The following RAX variants were observed in gnomAD, a reference collection of about 807,000 sequenced individuals.
RAX encodes the protein retinal homeobox protein Rx.
Under a neutral mutation model 17.4 loss-of-function variants are expected in RAX, and 11 were observed. The ratio of observed to expected loss-of-function variants is 0.63; its 90% CI spans 0.40 to 1.05. The LOEUF (loss-of-function observed/expected upper bound fraction) is 1.05. Among genes scored for constraint, RAX ranks in the 50% least tolerant of loss-of-function variants. RAX has a pLI of 0.00. For missense variants in RAX, 527 were observed against 501.1 expected, an observed-to-expected ratio of 1.05 and a Z score of -0.49; for synonymous variants, 276 against 254.7, an observed-to-expected ratio of 1.08 and a Z score of -0.80.
intron 2 of RAX, among the ~76,000 whole-genome samples, chr18:59,269,926 C>T (rs1381419412): frequency 6.6e-6 from 1 of 152,040 alleles, no homozygotes; most frequent in Non-Finnish European, 1.5e-5. Context: ...GCAATCGAAT[C>T]GTAGAACTTT....
intron 2 of RAX, among the ~76,000 whole-genome samples, chr18:59,270,664 AG>A (rs759042113): frequency 5.3e-4 from 81 of 152,216 alleles, no homozygotes; most frequent in Non-Finnish European, 8.1e-4. Context: ...CAATAAGGGC[AG>A]GGGACCCCCG....
intron 1 of RAX, 131 bp from the exon 2 acceptor site, chr18:59,272,745 C>T (rs2070349540): frequency 7.2e-7 from 1 of 1,386,068 alleles, no homozygotes; most frequent in East Asian, 2.5e-5. Flanking sequence ...GTGGTGAGGG[C>T]GGCGATGGGT....
In RAX at chr18:59,267,054, T is replaced by C. The variant is rs1261725222; in HGVS notation, c.*1950A>G. On this transcript the variant is annotated 3_prime_UTR_variant, in exon 3 of 3. Transcript: ENST00000334889. The stretch of plus-strand genomic sequence containing the variant: ...CATTCATTCTGGTTTTGTTTTGTTT[T>C]GTTTTCTTGCTAAAAGGTGATAACA... The C allele has an allele frequency of 6.6e-6, 1 of 152,270 alleles. No homozygotes were observed. The highest frequency in any genetic ancestry group is 6.5e-5 in the Admixed American group (1 of 15,290). 9.4% of individuals were successfully genotyped at this position (152,270 alleles called of 1,614,324 possible). A position where few individuals can be genotyped will look rare whatever the true frequency, so the allele number is the denominator to read the frequency against.
chr18:59,272,816 C>T (rs1205848945), intron 1 of RAX, 102 bp downstream of exon 1: 4 of 1,442,032 alleles, frequency 2.8e-6, no homozygotes, highest in Non-Finnish European at 3.7e-6. Flanking sequence ...CAACCCCGCG[C>T]CCAGTTGCCT....
In RAX at chr18:59,272,496, A is replaced by G; in HGVS notation, c.408T>C (p.His136=). The G allele has an allele frequency of 6.2e-7, 1 of 1,614,164 alleles. No homozygotes were observed. Among genetic ancestry groups the G allele is most frequent in the Middle Eastern group, 1.6e-4 (1 of 6,062 alleles). The change falls in exon 2 of 3, where the codon CAT becomes CAC. Residue 136 remains histidine (H), a synonymous_variant. Coordinates refer to ENST00000334889, the MANE Select transcript of RAX (RefSeq NM_013435.3). ...LSEEEQPKKK[H]RRNRTTFTTY... ...TGGTGAAAGTCGTGCGGTTCCGCCG[A>G]TGCTTTTTCTTGGGCTGTTCCTCCT...
rs1022600096 is a variant in RAX at position 59,273,224 on chromosome 18, G to A, written c.-18C>T. ...AGGTGCATGGGGAGCGCCGGGAGGC[G>A]GGAGGGCGCTTTGGAGACGGAGAGG... On this transcript the variant is annotated 5_prime_UTR_variant, in exon 1 of 3. Coordinates refer to ENST00000334889, the MANE Select transcript of RAX (RefSeq NM_013435.3). 19 of 1,523,470 alleles carry A rather than the reference G, an allele frequency of 1.2e-5. No homozygotes were observed. The highest frequency in any genetic ancestry group is 1.6e-5 in the Non-Finnish European group (18 of 1,141,234). 94.4% of individuals were successfully genotyped at this position (1,523,470 alleles called of 1,614,324 possible). A position where few individuals can be genotyped will look rare whatever the true frequency, so the allele number is the denominator to read the frequency against.
chr18:59,269,630 T>G, intron 2 of RAX, 129 bp from the exon 3 acceptor site: 7 of 1,029,402 alleles, frequency 6.8e-6, no homozygotes, highest in Non-Finnish European at 9.6e-6. Context: ...GCAACTGTTA[T>G]GCATGTGCCG....
At position 59,269,185 on chromosome 18, in the gene RAX, G is replaced by A. The variant is rs1430587459; in HGVS notation, c.860C>T (p.Pro287Leu). ...PPPPPPFLNS[P>L]PLGPGLQPLA... ...AGGTTGCAGGCCGGGGCCCAACGGC[G>A]GGGAGTTCAGGAAGGGCGGAGGCGG... Residue 287 changes from proline to leucine, a missense_variant, in exon 3 of 3, where the codon CCG becomes CTG. Physicochemically the swap from Pro to Leu is moderately conservative, Grantham distance 98. Transcript: ENST00000334889. 2 of 1,549,294 alleles carry A rather than the reference G, an allele frequency of 1.3e-6. No homozygotes were observed. Among genetic ancestry groups the A allele is most frequent in the Admixed American group, 1.9e-5 (1 of 52,366 alleles).
rs1189317608 is a variant in RAX, at chr18:59,273,416, G to T, written c.-210C>A. 5 of 576,254 alleles carry T rather than the reference G, an allele frequency of 8.7e-6. No individual in the cohort carries two copies. Among genetic ancestry groups the T allele is most frequent in the Non-Finnish European group, 1.5e-5 (5 of 339,918 alleles). The allele number at this position is 576,254 out of a possible 1,614,324, so 35.7% of individuals were successfully genotyped here. ...CAGAAGTCGGAAGTTCGGGCTCGGGGTAGCTGGGGCTCTCGGCGCTAAAGG... is the reference window on the plus strand; with the variant it reads ...CAGAAGTCGGAAGTTCGGGCTCGGGTTAGCTGGGGCTCTCGGCGCTAAAGG... On this transcript the variant is annotated 5_prime_UTR_variant, in exon 1 of 3. Coordinates refer to ENST00000334889, the MANE Select transcript of RAX (RefSeq NM_013435.3).
chr18:59,269,149 G>A lies in RAX; in HGVS notation c.896C>T (p.Pro299Leu), dbSNP rs755869635. Residue 299 changes from proline (P) to leucine (L), a missense_variant, in exon 3 of 3, where the codon CCG (proline) becomes CTG (leucine). Physicochemically the swap from Pro to Leu is moderately conservative, Grantham distance 98. Coordinates refer to ENST00000334889, the MANE Select transcript of RAX (RefSeq NM_013435.3). ...GGGCCCGCACGGGTAGGAGGGCGGCGGCGGCGCGAGAGGTTGCAGGCCGGG... is the reference window on the plus strand; with the variant it reads ...GGGCCCGCACGGGTAGGAGGGCGGCAGCGGCGCGAGAGGTTGCAGGCCGGG... ...LGPGLQPLAP[P>L]PPSYPCGPGF... 38 of 1,585,846 alleles carry A rather than the reference G, an allele frequency of 2.4e-5. No homozygotes were observed. The highest frequency in any genetic ancestry group is 3.1e-5 in the Non-Finnish European group (36 of 1,163,576).
At position 59,272,754 on chromosome 18, in the gene RAX, G is replaced by A. The variant is rs533742390; in HGVS notation, c.290-140C>T. Reference sequence around the variant, plus strand: ...AGGTCCGTGGTGAGGGCGGCGATGGGTCCTAAGCTTTCTCTGAATGCAAAT... The same window carrying A: ...AGGTCCGTGGTGAGGGCGGCGATGGATCCTAAGCTTTCTCTGAATGCAAAT... On this transcript the variant is annotated intron_variant, in intron 1 of 2. Coordinates refer to ENST00000334889, the MANE Select transcript of RAX (RefSeq NM_013435.3). 3.9e-5 allele frequency: 54 copies of A among 1,371,368 alleles called. No homozygotes were observed. In the East Asian group the frequency reaches 1.2e-3, roughly 30 times the overall value. The allele number at this position is 1,371,368 out of a possible 1,614,324, so 84.9% of individuals were successfully genotyped here.
chr18:59,269,143 G>A lies in RAX; in HGVS notation c.902C>T (p.Pro301Leu), dbSNP rs750142920. 8 of 1,590,124 alleles carry A rather than the reference G, an allele frequency of 5.0e-6. No homozygotes were observed. In the African/African-American group the frequency reaches 1.1e-4, roughly 21 times the overall value. ...PGLQPLAPPP[P>L]SYPCGPGFGD... ...GAAGCCGGGCCCGCACGGGTAGGAG[G>A]GCGGCGGCGGCGCGAGAGGTTGCAG... Residue 301 changes from proline (P) to leucine (L), a missense_variant, in exon 3 of 3, where the codon CCC (proline) becomes CTC (leucine). Transcript: ENST00000334889.
chr18:59,272,748 C>T, intron 1 of RAX, 134 bp from the exon 2 acceptor site: 3 of 1,382,812 alleles, frequency 2.2e-6, no homozygotes, highest in South Asian at 1.5e-5. Context: ...GTGAGGGCGG[C>T]GATGGGTCCT....
In RAX at chr18:59,272,967, G is replaced by A. The variant is rs2070352437; in HGVS notation, c.240C>T (p.Gly80=). Residue 80 remains glycine (G), a synonymous_variant, in exon 1 of 3, where the codon GGC becomes GGT. Coordinates refer to ENST00000334889, the MANE Select transcript of RAX (RefSeq NM_013435.3). ...GGGCTGGCGGCGGGGAGGGCTCGGA[G>A]CCTTCCTCGGGCGCCTTGGGGCAGG... is the stretch of plus-strand genomic sequence containing the variant. ...RPACPKAPEE[G]SEPSPPPAPA... 6.6e-7 allele frequency: 1 copy of A among 1,520,962 alleles called. No individual in the cohort carries two copies. The highest frequency in any genetic ancestry group is 8.8e-7 in the Non-Finnish European group (1 of 1,141,940). 94.2% of individuals were successfully genotyped at this position (1,520,962 alleles called of 1,614,324 possible). A position where few individuals can be genotyped will look rare whatever the true frequency, so the allele number is the denominator to read the frequency against.
intron 2 of RAX, among the ~76,000 whole-genome samples, chr18:59,269,736 CTCTTTT>C (rs1488167804): frequency 3.4e-3 from 251 of 74,244 alleles, no homozygotes; most frequent in African/African-American, 0.011. Context: ...CTCTCTCTCT[CTCTTTT>C]TTTTTTTTTT....
Position 59,273,228 on chromosome 18 carries a change from G to A in RAX, c.-22C>T. On this transcript the variant is annotated 5_prime_UTR_variant, in exon 1 of 3. Coordinates refer to ENST00000334889, the MANE Select transcript of RAX (RefSeq NM_013435.3). ...GCATGGGGAGCGCCGGGAGGCGGGA[G>A]GGCGCTTTGGAGACGGAGAGGAGAG... The A allele has an allele frequency of 1.3e-6, 2 of 1,521,406 alleles. No individual in the cohort carries two copies. The highest frequency in any genetic ancestry group is 1.2e-5 in the South Asian group (1 of 82,102). The allele number at this position is 1,521,406 out of a possible 1,614,324, so 94.2% of individuals were successfully genotyped here.
chr18:59,272,444 C>T lies in RAX; in HGVS notation c.460G>A (p.Ala154Thr). ...TCCGGGTAGTGGGACTTCTCGAACGCGCGCTCCAGCTCATGCAGCTGGTAC... is the reference window on the plus strand; with the variant it reads ...TCCGGGTAGTGGGACTTCTCGAACGTGCGCTCCAGCTCATGCAGCTGGTAC... Reference protein sequence around the residue: ...TTYQLHELERAFEKSHYPDVY... With the variant: ...TTYQLHELERTFEKSHYPDVY... The change falls in exon 2 of 3, where the codon GCG becomes ACG. Residue 154 changes from alanine to threonine, a missense_variant. Transcript: ENST00000334889. 6.2e-7 allele frequency: 1 copy of T among 1,614,238 alleles called. No individual in the cohort carries two copies. The highest frequency in any genetic ancestry group is 8.5e-7 in the Non-Finnish European group (1 of 1,180,052).
At chr18:59,272,267 A>G in intron 2 of RAX, 94 bp downstream of exon 2, 1 of 1,551,110 alleles carries the variant, frequency 6.4e-7, no homozygotes, top group Non-Finnish European at 8.8e-7. Context: ...GGACAGTAAT[A>G]AATGCATGGA....
Position 59,273,334 on chromosome 18 carries a change from G to T in RAX, c.-128C>A. On this transcript the variant is annotated 5_prime_UTR_variant, in exon 1 of 3. Coordinates refer to ENST00000334889, the MANE Select transcript of RAX (RefSeq NM_013435.3). ...AGGTCAAGCTCCGCGGGCGAAGCCC[G>T]CCCGGGCTGCGCACGCTGGGGGTGG... The T allele has an allele frequency of 9.6e-7, 1 of 1,036,352 alleles. No individual in the cohort carries two copies. The allele number at this position is 1,036,352 out of a possible 1,614,324, so 64.2% of individuals were successfully genotyped here. A position where few individuals can be genotyped will look rare whatever the true frequency, so the allele number is the denominator to read the frequency against.
Sources: gnomAD v4.1 joint callset for allele counts (sites outside exome capture counted in the v4.1 genomes callset) on GRCh38, gnomAD v4.1.1 for gene constraint, MANE v1.5 for transcripts, NCBI Gene and HGNC (gene_info 2026-07-23, HGNC 2026-07-21) for gene names.